Variants in ENTREP2 observed in about 807,000 individuals in gnomAD.
ENTREP2 encodes the protein endosomal transmembrane epsin interactor 2, also known as protein ENTREP2.
the ENTREP2 span, among the ~76,000 whole-genome samples, chr15:29,493,639 T>C: frequency 8.6e-5 from 13 of 151,522 alleles, no homozygotes; most frequent in South Asian, 8.3e-4. Flanking sequence ...ATAGTTCAGA[T>C]AGAAATAAAC....
At chr15:29,161,343 G>A in the ENTREP2 span, among the ~76,000 whole-genome samples, 1 of 152,186 alleles carries the variant, frequency 6.6e-6, no homozygotes, top group Non-Finnish European at 1.5e-5. Context: ...GCAGGCATCC[G>A]TGGTGGGCCC....
chr15:29,650,319 G>A, the ENTREP2 span, among the ~76,000 whole-genome samples: 6 of 152,172 alleles, frequency 3.9e-5, no homozygotes, highest in East Asian at 1.9e-4. Flanking sequence ...TAGGCCACAC[G>A]CGGTGGCTCA....
chr15:29,632,926 C>T, the ENTREP2 span, among the ~76,000 whole-genome samples: 1 of 152,154 alleles, frequency 6.6e-6, no homozygotes, highest in African/African-American at 2.4e-5. Flanking sequence ...GACGGTAATG[C>T]AGAGAGACCA....
At chr15:29,643,786 A>C in the ENTREP2 span, among the ~76,000 whole-genome samples, 2 of 149,082 alleles carry the variant, frequency 1.3e-5, no homozygotes, top group African/African-American at 2.5e-5. Context: ...GTCTCAAAAA[A>C]AAAAAAAAAA....
At chr15:29,384,183 G>A in the ENTREP2 span, among the ~76,000 whole-genome samples, 9 of 152,098 alleles carry the variant, frequency 5.9e-5, no homozygotes, top group African/African-American at 1.2e-4. Context: ...CATTCCCGCC[G>A]GAGCTCTCAC....
At chr15:29,619,521 G>A in the ENTREP2 span, among the ~76,000 whole-genome samples, 2 of 152,102 alleles carry the variant, frequency 1.3e-5, no homozygotes, top group East Asian at 3.9e-4. Context: ...GGTGTAGCTG[G>A]GACACACACA....
chr15:29,255,723 C>T, the ENTREP2 span, among the ~76,000 whole-genome samples: 4 of 152,018 alleles, frequency 2.6e-5, no homozygotes, highest in Admixed American at 1.3e-4. Flanking sequence ...CAATCATGGC[C>T]AGGCGCGGTG....
At chr15:29,560,999 T>G in the ENTREP2 span, among the ~76,000 whole-genome samples, 1 of 2,318 alleles carries the variant, frequency 4.3e-4, no homozygotes, top group African/African-American at 8.2e-3. Flanking sequence ...GGTTGAGTAG[T>G]TGCCACATCA....
chr15:29,388,253 G>T, the ENTREP2 span, among the ~76,000 whole-genome samples: 1 of 152,064 alleles, frequency 6.6e-6, no homozygotes, highest in Non-Finnish European at 1.5e-5. Context: ...AATCTACAAA[G>T]AACTCAAACA....
the ENTREP2 span, among the ~76,000 whole-genome samples, chr15:29,467,655 T>A: frequency 1.3e-5 from 2 of 152,010 alleles, no homozygotes; most frequent in Non-Finnish European, 2.9e-5. Flanking sequence ...AACTACCACA[T>A]CCCCCTGCTT....
At chr15:29,347,015 T>C in the ENTREP2 span, among the ~76,000 whole-genome samples, 1 of 152,222 alleles carries the variant, frequency 6.6e-6, no homozygotes, top group African/African-American at 2.4e-5. Flanking sequence ...TAGTTATTCA[T>C]GGTCCAAAGA....
chr15:29,150,107 C>G, the ENTREP2 span, among the ~76,000 whole-genome samples: 4 of 152,234 alleles, frequency 2.6e-5, 1 homozygote, highest in African/African-American at 9.6e-5. Context: ...ACACATCACA[C>G]GTATTAGGGA....
chr15:29,488,093 C>A, the ENTREP2 span, among the ~76,000 whole-genome samples: 1 of 151,302 alleles, frequency 6.6e-6, no homozygotes, highest in African/African-American at 2.5e-5. Context: ...AAGAAACACA[C>A]ACACTGGACT....
At chr15:29,438,135 C>G in the ENTREP2 span, among the ~76,000 whole-genome samples, 31 of 152,200 alleles carry the variant, frequency 2.0e-4, no homozygotes, top group African/African-American at 7.2e-4. Flanking sequence ...ACATCACAAG[C>G]TGAGCTTGGT....
chr15:29,272,420 C>T, the ENTREP2 span, among the ~76,000 whole-genome samples: 1 of 152,114 alleles, frequency 6.6e-6, no homozygotes, highest in Non-Finnish European at 1.5e-5. Context: ...AACCACAGTC[C>T]GAAAATATTA....
the ENTREP2 span, among the ~76,000 whole-genome samples, chr15:29,191,142 T>G: frequency 6.6e-6 from 1 of 152,112 alleles, no homozygotes; most frequent in Non-Finnish European, 1.5e-5. Context: ...CTTGGATGAC[T>G]TTTCAAGAGT....
chr15:29,223,366 CTG>C, the ENTREP2 span, among the ~76,000 whole-genome samples: 1 of 152,132 alleles, frequency 6.6e-6, no homozygotes, highest in Non-Finnish European at 1.5e-5. Context: ...CTCTGGGATT[CTG>C]TTTCTTCCTC....
At chr15:29,159,199 G>C in the ENTREP2 span, among the ~76,000 whole-genome samples, 10 of 152,150 alleles carry the variant, frequency 6.6e-5, no homozygotes, top group East Asian at 1.9e-3. Flanking sequence ...TGGGTTTGTG[G>C]TCTCGCTGGC....
the ENTREP2 span, among the ~76,000 whole-genome samples, chr15:29,424,591 G>A: frequency 2.9e-3 from 435 of 152,272 alleles, 2 homozygotes; most frequent in African/African-American, 0.01. Flanking sequence ...GTCTTGACCT[G>A]TAGTGACCCA....
Sources: allele counts gnomAD v4.1 joint callset (sites outside exome capture counted in the v4.1 genomes callset), GRCh38; gene constraint gnomAD v4.1.1; transcripts MANE v1.5; gene names NCBI Gene and HGNC (gene_info 2026-07-23, HGNC 2026-07-21).